TRPC4AP: variants seen among roughly 807,000 people sequenced by gnomAD.
TRPC4AP encodes the protein short transient receptor potential channel 4-associated protein.
A neutral mutation model predicts 99.0 loss-of-function variants in TRPC4AP; 45 were observed. The observed-to-expected ratio is 0.45, with a 90% CI of 0.36 to 0.58. The LOEUF (loss-of-function observed/expected upper bound fraction) is 0.58. Ranked by LOEUF, TRPC4AP falls within the 20% of genes least tolerant of loss-of-function variation. TRPC4AP has a pLI of 0.00. For missense variants in TRPC4AP, 879 were observed against 985.3 expected (o/e 0.89, Z 1.44); for synonymous variants, 408 against 385.8 (o/e 1.06, Z -0.67).
intron 4 of TRPC4AP, among the ~76,000 whole-genome samples, chr20:35,057,175 T>TA (rs1210429494): frequency 6.6e-6 from 1 of 151,696 alleles, no homozygotes; most frequent in Non-Finnish European, 1.5e-5. Flanking sequence ...ATCACCTTTC[T>TA]AAAAAAAATA....
chr20:35,058,225 G>A (rs749321257), intron 3 of TRPC4AP, among the ~76,000 whole-genome samples: 2 of 152,170 alleles, frequency 1.3e-5, no homozygotes, highest in African/African-American at 2.4e-5. Flanking sequence ...AGTTGGACAC[G>A]TTAATAACTC....
intron 6 of TRPC4AP, among the ~76,000 whole-genome samples, chr20:35,048,299 C>T (rs1329746145): frequency 1.3e-5 from 2 of 151,010 alleles, no homozygotes; most frequent in African/African-American, 4.9e-5. Flanking sequence ...GCAACCTCTG[C>T]CTCCCGGGTT....
chr20:35,024,855 A>AAAAT (rs1404655588), intron 8 of TRPC4AP, among the ~76,000 whole-genome samples: 1 of 30,310 alleles, frequency 3.3e-5, no homozygotes, highest in African/African-American at 9.9e-5. Context: ...AAAAAAAAAA[A>AAAAT]TTCTGTTTAT....
intron 10 of TRPC4AP, 41 bp from the exon 11 acceptor site, chr20:35,013,107 CA>C (rs757520931): frequency 6.2e-7 from 1 of 1,605,050 alleles, no homozygotes; most frequent in East Asian, 2.2e-5. Context: ...ACCACAGCCA[CA>C]AGGTTCCAAA....
chr20:35,043,561 T>G (rs2083490200), intron 7 of TRPC4AP, among the ~76,000 whole-genome samples: 1 of 152,190 alleles, frequency 6.6e-6, no homozygotes, highest in African/African-American at 2.4e-5. Context: ...GTGAATAATC[T>G]TGTACAGTAG....
At chr20:35,009,430 C>T (rs2082584151) in intron 12 of TRPC4AP, among the ~76,000 whole-genome samples, 2 of 152,024 alleles carry the variant, frequency 1.3e-5, no homozygotes, top group Admixed American at 6.6e-5. Flanking sequence ...TCACTTGAGG[C>T]CAGGAGTTCG....
chr20:35,006,318 C>A, intron 15 of TRPC4AP, 117 bp downstream of exon 15: 1 of 1,242,514 alleles, frequency 8.0e-7, no homozygotes, highest in Non-Finnish European at 1.1e-6. Flanking sequence ...CCAAAGACTG[C>A]CCAGACTCCC....
At chr20:35,083,881 A>C (rs2084722791) in intron 1 of TRPC4AP, among the ~76,000 whole-genome samples, 1 of 152,052 alleles carries the variant, frequency 6.6e-6, no homozygotes, top group African/African-American at 2.4e-5. Context: ...TCAGCTGTAT[A>C]GCAGACCTAG....
intron 4 of TRPC4AP, among the ~76,000 whole-genome samples, chr20:35,057,067 T>C (rs951397202): frequency 7.9e-5 from 12 of 151,494 alleles, no homozygotes; most frequent in Admixed American, 7.2e-4. Flanking sequence ...ATTACCCATA[T>C]ATCTACCACC....
chr20:35,086,431 A>ATGTGTGTGTGTGTGTGTGTGTGTG (rs150231202), intron 1 of TRPC4AP, among the ~76,000 whole-genome samples: 2 of 109,466 alleles, frequency 1.8e-5, no homozygotes, highest in Non-Finnish European at 3.7e-5. Context: ...TGAATGGCAT[A>ATGTGTGTGTGTGTGTGTGTGTGTG]TGTGTGTGTG....
Position 35,002,405 on chromosome 20 carries a change from C to CT in TRPC4AP, c.*740_*741insA. 1 of 428,666 alleles carries CT rather than the reference C, an allele frequency of 2.3e-6. No individual in the cohort carries two copies. Among genetic ancestry groups the CT allele is most frequent in the Non-Finnish European group, 4.0e-6 (1 of 247,408 alleles). The allele number at this position is 428,666 out of a possible 1,614,324, so 26.6% of individuals were successfully genotyped here. On this transcript the variant is annotated 3_prime_UTR_variant, in exon 19 of 19. Coordinates refer to ENST00000252015, the MANE Select transcript of TRPC4AP (RefSeq NM_015638.3). ...GGACAAAAGCCAGGTCCACAGCAGTCATTTTTAAAATAAAGTTATTTAATA... is the reference window on the plus strand; with the variant it reads ...GGACAAAAGCCAGGTCCACAGCAGTCTATTTTTAAAATAAAGTTATTTAATA...
chr20:35,092,224 G>A (rs917659376), intron 1 of TRPC4AP, among the ~76,000 whole-genome samples: 4 of 152,178 alleles, frequency 2.6e-5, no homozygotes, highest in Admixed American at 1.3e-4. Flanking sequence ...GGAACCATTT[G>A]GGGGCTGCAA....
chr20:35,006,675 G>A, intron 14 of TRPC4AP, 100 bp from the exon 15 acceptor site: 5 of 1,467,104 alleles, frequency 3.4e-6, no homozygotes, highest in Non-Finnish European at 4.6e-6. Flanking sequence ...AAGCATCCTG[G>A]GGATGGAACT....
At chr20:35,011,509 G>A (rs1454866134) in intron 11 of TRPC4AP, among the ~76,000 whole-genome samples, 1 of 152,112 alleles carries the variant, frequency 6.6e-6, no homozygotes, top group Admixed American at 6.5e-5. Flanking sequence ...CAAGAGTATT[G>A]AACTGTTTAT....
intron 9 of TRPC4AP, among the ~76,000 whole-genome samples, chr20:35,019,426 G>A (rs1310254030): frequency 6.6e-6 from 1 of 152,166 alleles, no homozygotes; most frequent in Admixed American, 6.5e-5. Context: ...TGAGAGGGCA[G>A]AAAGAGGAGA....
intron 7 of TRPC4AP, among the ~76,000 whole-genome samples, chr20:35,037,146 A>T (rs2083337032): frequency 6.6e-6 from 1 of 152,134 alleles, no homozygotes; most frequent in South Asian, 2.1e-4. Flanking sequence ...GGAGATCGAG[A>T]CCATCCTGGC....
intron 8 of TRPC4AP, chr20:35,030,262 A>AAGTT (rs1411278467): frequency 6.9e-5 from 10 of 145,772 alleles, no homozygotes; most frequent in South Asian, 2.2e-4. Flanking sequence ...AAAAAAAAAG[A>AAGTT]AGTTGCTTAC....
chr20:35,010,613 A>G (rs937148468), intron 11 of TRPC4AP, among the ~76,000 whole-genome samples: 3 of 151,938 alleles, frequency 2.0e-5, no homozygotes, highest in African/African-American at 7.3e-5. Context: ...CAACACCTCA[A>G]CAGGTCCAAT....
chr20:35,039,437 G>C (rs1053835785), intron 7 of TRPC4AP, among the ~76,000 whole-genome samples: 3 of 152,110 alleles, frequency 2.0e-5, no homozygotes, highest in African/African-American at 7.2e-5. Flanking sequence ...CAATCTCATG[G>C]GCTGACATCC....
Sources: gnomAD v4.1 joint callset for allele counts (sites outside exome capture counted in the v4.1 genomes callset) on GRCh38, gnomAD v4.1.1 for gene constraint, MANE v1.5 for transcripts, NCBI Gene and HGNC (gene_info 2026-07-23, HGNC 2026-07-21) for gene names.